The following PXDNL variants were observed in gnomAD, a reference collection of about 807,000 sequenced individuals.
PXDNL encodes peroxidasin like, also known as probable oxidoreductase PXDNL.
Under a neutral mutation model 150.8 loss-of-function variants are expected in PXDNL, and 145 were observed. The observed-to-expected ratio is 0.96, with a 90% CI of 0.84 to 1.10. The LOEUF (loss-of-function observed/expected upper bound fraction) is 1.10. Ranked by LOEUF, PXDNL falls within the 50% of genes least tolerant of loss-of-function variation. PXDNL has a pLI of 0.00. For synonymous variants in PXDNL, 757 were observed against 725.7 expected (o/e 1.04, Z -0.69); for missense variants, 2,087 against 1,873.9 (o/e 1.11, Z -2.10).
intron 1 of PXDNL, among the ~76,000 whole-genome samples, chr8:51,761,702 A>G (rs1238607468): frequency 1.3e-5 from 2 of 152,180 alleles, no homozygotes; most frequent in African/African-American, 2.4e-5. Context: ...CTTATCTGAA[A>G]TATTTCACTT....
chr8:51,559,679 C>T (rs1297919421), intron 3 of PXDNL, among the ~76,000 whole-genome samples: 1 of 151,932 alleles, frequency 6.6e-6, no homozygotes, highest in Non-Finnish European at 1.5e-5. Context: ...GGTAGAACAA[C>T]AAAGGGTGAG....
chr8:51,477,946 G>A (rs916125470), intron 6 of PXDNL, among the ~76,000 whole-genome samples: 1 of 151,864 alleles, frequency 6.6e-6, no homozygotes, highest in Non-Finnish European at 1.5e-5. Flanking sequence ...ACAACAAAAG[G>A]ATATAGATTT....
intron 2 of PXDNL, among the ~76,000 whole-genome samples, chr8:51,639,290 A>G (rs1205422435): frequency 1.3e-5 from 2 of 152,242 alleles, no homozygotes; most frequent in Non-Finnish European, 2.9e-5. Flanking sequence ...CAATTAAAAG[A>G]ACTAGAAAAG....
intron 12 of PXDNL, among the ~76,000 whole-genome samples, chr8:51,444,722 G>A (rs1158275047): frequency 6.6e-6 from 1 of 152,080 alleles, no homozygotes; most frequent in African/African-American, 2.4e-5. Context: ...TAATCTCAGA[G>A]ATAAAATGAT....
intron 17 of PXDNL, among the ~76,000 whole-genome samples, chr8:51,386,228 G>A (rs1286740524): frequency 6.6e-6 from 1 of 152,028 alleles, no homozygotes; most frequent in Non-Finnish European, 1.5e-5. Context: ...GAGTAGCTGG[G>A]ACTACAGGCA....
intron 2 of PXDNL, among the ~76,000 whole-genome samples, chr8:51,615,338 T>A (rs749814060): frequency 2.0e-5 from 3 of 152,142 alleles, no homozygotes; most frequent in Admixed American, 6.5e-5. Context: ...GAAAATTATA[T>A]GAAATAGAAA....
At chr8:51,474,331 T>G (rs1810424167) in intron 7 of PXDNL, among the ~76,000 whole-genome samples, 1 of 152,162 alleles carries the variant, frequency 6.6e-6, no homozygotes, top group Non-Finnish European at 1.5e-5. Flanking sequence ...TATATTCACA[T>G]GAAAAGCTTT....
chr8:51,698,414 C>T (rs544743331), intron 1 of PXDNL, among the ~76,000 whole-genome samples: 11 of 152,238 alleles, frequency 7.2e-5, no homozygotes, highest in South Asian at 4.2e-4. Flanking sequence ...TTTTTTTGCT[C>T]ATCCATAAGA....
At chr8:51,441,824 T>C (rs1245343971) in intron 12 of PXDNL, among the ~76,000 whole-genome samples, 6 of 152,268 alleles carry the variant, frequency 3.9e-5, no homozygotes, top group African/African-American at 1.4e-4. Context: ...GGAGGTAAGA[T>C]TGGCTGAAAG....
At chr8:51,698,949 A>T (rs1816196894) in intron 1 of PXDNL, among the ~76,000 whole-genome samples, 1 of 152,184 alleles carries the variant, frequency 6.6e-6, no homozygotes. Context: ...TCTGGGCAGT[A>T]GGTCTCAGCA....
At chr8:51,665,917 T>G (rs949322015) in intron 1 of PXDNL, among the ~76,000 whole-genome samples, 14 of 152,248 alleles carry the variant, frequency 9.2e-5, no homozygotes, top group Admixed American at 4.6e-4. Flanking sequence ...AGTCTGGAAC[T>G]GTCAACTATG....
intron 2 of PXDNL, among the ~76,000 whole-genome samples, chr8:51,606,184 A>G (rs1420334785): frequency 6.6e-6 from 1 of 152,218 alleles, no homozygotes; most frequent in African/African-American, 2.4e-5. Flanking sequence ...TATACGTGCC[A>G]TGAGAGGCTG....
intron 12 of PXDNL, among the ~76,000 whole-genome samples, chr8:51,434,188 G>C (rs566913332): frequency 3.0e-4 from 45 of 152,146 alleles, no homozygotes; most frequent in African/African-American, 1.0e-3. Flanking sequence ...TATTTTTGTC[G>C]AAACACTTTG....
At chr8:51,599,362 A>T (rs989250994) in intron 2 of PXDNL, among the ~76,000 whole-genome samples, 1 of 151,844 alleles carries the variant, frequency 6.6e-6, no homozygotes, top group Non-Finnish European at 1.5e-5. Flanking sequence ...TTTTTGAGGT[A>T]GGCATTTATT....
At chr8:51,681,029 G>A (rs1038184110) in intron 1 of PXDNL, among the ~76,000 whole-genome samples, 2 of 152,090 alleles carry the variant, frequency 1.3e-5, no homozygotes, top group African/African-American at 4.8e-5. Flanking sequence ...TCGTGCAGAA[G>A]AGAGAGCTAA....
intron 19 of PXDNL, among the ~76,000 whole-genome samples, chr8:51,360,706 T>C (rs1806706801): frequency 6.6e-6 from 1 of 152,252 alleles, no homozygotes; most frequent in Non-Finnish European, 1.5e-5. Flanking sequence ...GTAAACAGAC[T>C]GTAGTCTACT....
At chr8:51,431,051 C>T (rs1403791852) in intron 12 of PXDNL, among the ~76,000 whole-genome samples, 3 of 152,188 alleles carry the variant, frequency 2.0e-5, no homozygotes, top group Non-Finnish European at 2.9e-5. Flanking sequence ...AACTCCTATA[C>T]TCTTCTCCCA....
At chr8:51,725,530 A>C (rs1342355880) in intron 1 of PXDNL, among the ~76,000 whole-genome samples, 1 of 152,242 alleles carries the variant, frequency 6.6e-6, no homozygotes, top group Non-Finnish European at 1.5e-5. Flanking sequence ...ATAAGAACAC[A>C]TTCAGGGTCA....
At chr8:51,360,117 T>A (rs1033047348) in intron 19 of PXDNL, among the ~76,000 whole-genome samples, 2 of 150,052 alleles carry the variant, frequency 1.3e-5, no homozygotes, top group African/African-American at 5.1e-5. Context: ...CCTATACATG[T>A]GTACACTTAC....
Sources: allele counts gnomAD v4.1 joint callset (sites outside exome capture counted in the v4.1 genomes callset), GRCh38; gene constraint gnomAD v4.1.1; transcripts MANE v1.5; gene names NCBI Gene and HGNC (gene_info 2026-07-23, HGNC 2026-07-21).